The following DEPDC5 variants were observed in gnomAD, a reference collection of about 807,000 sequenced individuals.
The protein encoded by DEPDC5 is DEP domain containing 5, GATOR1 subcomplex subunit, also known as GATOR1 complex protein DEPDC5.
Under a neutral mutation model 217.3 loss-of-function variants are expected in DEPDC5, and 73 were observed. The observed-to-expected ratio is 0.34, with a 90% CI of 0.28 to 0.41. The LOEUF (loss-of-function observed/expected upper bound fraction) is 0.41. DEPDC5 is among the 10% of genes least tolerant of loss of function. DEPDC5 has a pLI of 1.00. For synonymous variants in DEPDC5, 733 were observed against 756.7 expected (o/e 0.97, Z 0.51); for missense variants, 1,675 against 2,070.1 (o/e 0.81, Z 3.70).
At chr22:31,824,454 C>G (rs1242515659) in intron 24 of DEPDC5, among the ~76,000 whole-genome samples, 1 of 152,092 alleles carries the variant, frequency 6.6e-6, no homozygotes, top group Non-Finnish European at 1.5e-5. Context: ...TTCCTAGAGG[C>G]CTATGTCTAA....
At chr22:31,902,513 G>A (rs890174703) in intron 41 of DEPDC5, among the ~76,000 whole-genome samples, 5 of 150,138 alleles carry the variant, frequency 3.3e-5, no homozygotes, top group South Asian at 2.1e-4. Flanking sequence ...TTAGACCTTC[G>A]TCTAAGGTCT....
At chr22:31,836,911 C>T (rs1329432301) in intron 25 of DEPDC5, 61 bp from the exon 26 acceptor site, 3 of 1,478,040 alleles carry the variant, frequency 2.0e-6, no homozygotes, top group Admixed American at 1.8e-5. Context: ...CTCCCCTGGC[C>T]CCCCATCCCA....
chr22:31,802,778 G>T lies in DEPDC5; in HGVS notation c.1021G>T (p.Gly341Cys), dbSNP rs767594913. The T allele has an allele frequency of 1.6e-5, 25 of 1,605,408 alleles. No homozygotes were observed. Among genetic ancestry groups the T allele is most frequent in the Non-Finnish European group, 1.9e-5 (22 of 1,176,380 alleles). Residue 341 changes from glycine to cysteine, a missense_variant, in exon 15 of 43, where the codon GGT becomes TGT. This residue lies in a region of DEPDC5 where 628 missense variants were observed against 762.1 expected (regional missense o/e 0.82). Transcript: ENST00000651528. ...QMSVVITPGV[G>C]VFEVDRLLMI... ...GTCAGTGGTGATCACGCCCGGGGTG[G>T]GTGTCTTTGAAGTGGACCGCCTACT...
chr22:31,870,346 T>G (rs1165009093), intron 33 of DEPDC5, among the ~76,000 whole-genome samples: 3 of 151,874 alleles, frequency 2.0e-5, no homozygotes, highest in Non-Finnish European at 4.4e-5. Context: ...GGTTGGAGGG[T>G]GGGAGTTCCC....
In DEPDC5 at chr22:31,876,201, C is replaced by T; in HGVS notation, c.3741C>T (p.Ala1247=). 1 of 1,614,166 alleles carries T rather than the reference C, an allele frequency of 6.2e-7. No homozygotes were observed. Among genetic ancestry groups the T allele is most frequent in the Non-Finnish European group, 8.5e-7 (1 of 1,180,018 alleles). The change falls in exon 37 of 43, where the codon GCC becomes GCT. Residue 1247 remains alanine, a synonymous_variant. Coordinates refer to ENST00000651528, the MANE Select transcript of DEPDC5 (RefSeq NM_001242896.3). ...TCATCACACATGCATCTGGCGAAGC[C>T]TGGCGGACCTTCATCTACGGCTTCT... ...EQLITHASGE[A]WRTFIYGFYF...
chr22:31,755,926 G>A (rs2075287578), intron 2 of DEPDC5, among the ~76,000 whole-genome samples: 1 of 151,490 alleles, frequency 6.6e-6, no homozygotes, highest in Non-Finnish European at 1.5e-5. Flanking sequence ...AGGCTGGAGT[G>A]CAGTGGCGTG....
At chr22:31,835,778 TA>T (rs1388423714) in intron 25 of DEPDC5, among the ~76,000 whole-genome samples, 5 of 152,210 alleles carry the variant, frequency 3.3e-5, no homozygotes, top group Non-Finnish European at 5.9e-5. Flanking sequence ...AATGAGTTTA[TA>T]AGGCCTGTGT....
intron 33 of DEPDC5, among the ~76,000 whole-genome samples, chr22:31,864,518 A>T (rs1327025443): frequency 3.6e-5 from 5 of 138,264 alleles, no homozygotes; most frequent in South Asian, 2.3e-4. Flanking sequence ...ATATATATAT[A>T]TATATATTTA....
intron 7 of DEPDC5, among the ~76,000 whole-genome samples, chr22:31,772,238 A>G (rs1184186897): frequency 6.6e-6 from 1 of 152,136 alleles, no homozygotes; most frequent in Admixed American, 6.6e-5. Flanking sequence ...TTGAAAACAA[A>G]CAAAAATTTG....
At chr22:31,757,160 G>T (rs990485902) in intron 2 of DEPDC5, 1 of 151,960 alleles carries the variant, frequency 6.6e-6, no homozygotes, top group African/African-American at 2.4e-5. Flanking sequence ...AGCATTTGTC[G>T]TGAAACTGTC....
intron 38 of DEPDC5, among the ~76,000 whole-genome samples, chr22:31,886,252 C>T (rs1373156656): frequency 2.0e-5 from 3 of 152,132 alleles, no homozygotes; most frequent in African/African-American, 7.2e-5. Flanking sequence ...ATGAACTCCT[C>T]GGCTCAAGCA....
intron 29 of DEPDC5, among the ~76,000 whole-genome samples, chr22:31,844,585 A>G (rs1346982454): frequency 6.6e-6 from 1 of 151,302 alleles, no homozygotes; most frequent in African/African-American, 2.4e-5. Flanking sequence ...TTTGATTTCT[A>G]TGCATGATTT....
chr22:31,820,672 C>T (rs1884712726), intron 22 of DEPDC5, among the ~76,000 whole-genome samples: 1 of 152,140 alleles, frequency 6.6e-6, no homozygotes, highest in Non-Finnish European at 1.5e-5. Context: ...TCACTTAGAA[C>T]TCTTGGTGTT....
At chr22:31,842,448 G>A (rs1038015388) in intron 27 of DEPDC5, among the ~76,000 whole-genome samples, 4 of 152,052 alleles carry the variant, frequency 2.6e-5, no homozygotes, top group Non-Finnish European at 5.9e-5. Flanking sequence ...GGTGGAGCGT[G>A]CCTGTAATCC....
At chr22:31,868,736 TG>T (rs2092756809) in intron 33 of DEPDC5, among the ~76,000 whole-genome samples, 1 of 152,226 alleles carries the variant, frequency 6.6e-6, no homozygotes, top group Non-Finnish European at 1.5e-5. Context: ...TGAGAAGCTT[TG>T]TTTTAGAAAG....
chr22:31,826,364 C>G, intron 24 of DEPDC5: 1 of 332,672 alleles, frequency 3.0e-6, no homozygotes, highest in Middle Eastern at 3.9e-4. Flanking sequence ...TGCTGGACAT[C>G]CATGGTGAGC....
chr22:31,870,548 G>A, intron 33 of DEPDC5, 42 bp from the exon 34 acceptor site: 1 of 1,456,622 alleles, frequency 6.9e-7, no homozygotes, highest in Non-Finnish European at 9.1e-7. Flanking sequence ...TTTCCTGTCA[G>A]TTATTTTTGG....
chr22:31,803,925 C>CAT (rs1222951233), intron 15 of DEPDC5, among the ~76,000 whole-genome samples: 1 of 152,062 alleles, frequency 6.6e-6, no homozygotes, highest in African/African-American at 2.4e-5. Context: ...GTAGGACAGT[C>CAT]AAAGGCTAAT....
At chr22:31,840,852 A>G (rs1299779937) in intron 27 of DEPDC5, among the ~76,000 whole-genome samples, 2 of 152,236 alleles carry the variant, frequency 1.3e-5, no homozygotes, top group Non-Finnish European at 2.9e-5. Flanking sequence ...ACAGAACAGC[A>G]TCAGCCCTCC....
Sources: gnomAD v4.1 joint callset for allele counts (sites outside exome capture counted in the v4.1 genomes callset) on GRCh38, gnomAD v4.1.1 for gene constraint, gnomAD v4.1.1 regional missense constraint, MANE v1.5 for transcripts, NCBI Gene and HGNC (gene_info 2026-07-23, HGNC 2026-07-21) for gene names.